NDUFS3: variants seen among roughly 807,000 people sequenced by gnomAD.
NDUFS3 encodes the protein NADH:ubiquinone oxidoreductase core subunit S3.
A neutral mutation model predicts 30.8 loss-of-function variants in NDUFS3; 19 were observed. The observed-to-expected ratio is 0.62, with a 90% CI of 0.43 to 0.91. The LOEUF is 0.91. Ranked by LOEUF, NDUFS3 falls within the 40% of genes least tolerant of loss-of-function variation. The pLI is 0.00. For missense variants in NDUFS3, 331 were observed against 342.0 expected (o/e 0.97, Z 0.25); for synonymous variants, 153 against 135.8 (o/e 1.13, Z -0.88).
At position 47,584,350 on chromosome 11, in the gene NDUFS3, G is replaced by C; in HGVS notation, c.664G>C (p.Glu222Gln). 6.2e-7 allele frequency: 1 copy of C among 1,614,174 alleles called. No homozygotes were observed. The highest frequency in any genetic ancestry group is 1.7e-5 in the Admixed American group (1 of 60,006). Residue 222 changes from glutamate (E) to glutamine (Q), a missense_variant, in exon 7 of 7, where the codon GAG (glutamate) becomes CAG (glutamine). Glu to Gln is a conservative substitution (Grantham distance 29). Transcript: ENST00000263774. ...YDDEVKRVVA[E>Q]PVELAQEFRK... The stretch of plus-strand genomic sequence containing the variant: ...TGATGAAGTGAAGCGGGTGGTGGCA[G>C]AGCCGGTGGAGTTGGCCCAAGAGTT...
chr11:47,581,966 A>T, intron 4 of NDUFS3, 122 bp from the exon 5 acceptor site: 1 of 1,324,606 alleles, frequency 7.5e-7, no homozygotes, highest in East Asian at 2.3e-5. Context: ...CTTTGGAAGT[A>T]GTTGTAAGCA....
Position 47,580,613 on chromosome 11 carries a change from A to G in NDUFS3, c.222A>G (p.Gln74=), listed in dbSNP as rs768213905. The stretch of plus-strand genomic sequence containing the variant: ...CTGAAATCTTGCCCAAGTATGTCCA[A>G]CAAGTTCAGGTAATACTTACTAATG... The part of the protein sequence containing the change: ...YVAEILPKYV[Q]QVQVSCFNEL... The change falls in exon 3 of 7, where the codon CAA becomes CAG. Residue 74 remains glutamine, a synonymous_variant. Coordinates refer to ENST00000263774, the MANE Select transcript of NDUFS3 (RefSeq NM_004551.3). The G allele has an allele frequency of 6.2e-7, 1 of 1,614,040 alleles. No homozygotes were observed. Among genetic ancestry groups the G allele is most frequent in the Non-Finnish European group, 8.5e-7 (1 of 1,179,970 alleles).
chr11:47,582,604 C>T, intron 6 of NDUFS3, 136 bp downstream of exon 6: 1 of 1,421,214 alleles, frequency 7.0e-7, no homozygotes, highest in Non-Finnish European at 9.7e-7. Flanking sequence ...CAGATCCTAG[C>T]TTCATTTTTG....
chr11:47,580,582 A>T lies in NDUFS3; in HGVS notation c.191A>T (p.Tyr64Phe). 6.2e-7 allele frequency: 1 copy of T among 1,614,196 alleles called. No homozygotes were observed. Among genetic ancestry groups the T allele is most frequent in the Non-Finnish European group, 8.5e-7 (1 of 1,180,044 alleles). ...AHKQLSAFGE[Y>F]VAEILPKYVQ... The stretch of plus-strand genomic sequence containing the variant: ...AAGCAGCTCTCAGCTTTTGGAGAGT[A>T]TGTGGCTGAAATCTTGCCCAAGTAT... Residue 64 changes from tyrosine to phenylalanine, a missense_variant, in exon 3 of 7, where the codon TAT (tyrosine) becomes TTT (phenylalanine). Coordinates refer to ENST00000263774, the MANE Select transcript of NDUFS3 (RefSeq NM_004551.3).
Position 47,579,158 on chromosome 11 carries a change from G to A in NDUFS3, c.67G>A (p.Gly23Arg), listed in dbSNP as rs2097266334. ...GILGASALTRGTGRPSVLLLP... is the reference protein window; with the variant it reads ...GILGASALTRRTGRPSVLLLP... ...CTTGGGGGCCTCGGCGCTGACCAGG[G>A]GTGAGCACGGGCAGCCAGCTGAGAC... The change falls in exon 1 of 7, where the codon GGG (glycine) becomes AGG (arginine). Residue 23 changes from glycine to arginine, a missense_variant and splice_region_variant. Physicochemically the swap from Gly to Arg is moderately radical, Grantham distance 125. Coordinates refer to ENST00000263774, the MANE Select transcript of NDUFS3 (RefSeq NM_004551.3). 6.2e-7 allele frequency: 1 copy of A among 1,610,140 alleles called. No individual in the cohort carries two copies. The highest frequency in any genetic ancestry group is 1.3e-5 in the African/African-American group (1 of 74,900).
chr11:47,582,552 G>T (rs138018020), intron 6 of NDUFS3, 84 bp downstream of exon 6: 4 of 1,600,878 alleles, frequency 2.5e-6, no homozygotes, highest in Admixed American at 1.7e-5. Context: ...CAAGAAATAC[G>T]GTCTGTGGAT....
chr11:47,579,600 G>A, intron 2 of NDUFS3: 1 of 591,570 alleles, frequency 1.7e-6, no homozygotes, highest in Middle Eastern at 4.3e-4. Flanking sequence ...TAACCTTTAG[G>A]CCTCAGAGCC....
intron 4 of NDUFS3, chr11:47,581,241 T>C (rs2097268670): frequency 2.2e-6 from 1 of 451,866 alleles, no homozygotes; most frequent in Non-Finnish European, 4.1e-6. Context: ...GCAACCTCCG[T>C]CTCCCAGGTT....
chr11:47,582,609 T>C (rs2097269287), intron 6 of NDUFS3, 141 bp downstream of exon 6: 2 of 1,377,686 alleles, frequency 1.5e-6, no homozygotes, highest in Non-Finnish European at 2.0e-6. Flanking sequence ...CCTAGCTTCA[T>C]TTTTGTAACC....
Position 47,579,137 on chromosome 11 carries a change from G to A in NDUFS3, c.46G>A (p.Gly16Arg). Residue 16 changes from glycine (G) to arginine (R), a missense_variant, in exon 1 of 7, where the codon GGG becomes AGG. Gly to Arg is a moderately radical substitution (Grantham distance 125, BLOSUM62 -2). Coordinates refer to ENST00000263774, the MANE Select transcript of NDUFS3 (RefSeq NM_004551.3). Reference sequence around the variant, plus strand: ...CAGGCTGTGGTGGCGCGGGATCTTGGGGGCCTCGGCGCTGACCAGGGGTGA... The same window carrying A: ...CAGGCTGTGGTGGCGCGGGATCTTGAGGGCCTCGGCGCTGACCAGGGGTGA... Reference protein sequence around the residue: ...VARLWWRGILGASALTRGTGR... With the variant: ...VARLWWRGILRASALTRGTGR... The A allele has an allele frequency of 6.2e-7, 1 of 1,600,362 alleles. No homozygotes were observed. The highest frequency in any genetic ancestry group is 8.5e-7 in the Non-Finnish European group (1 of 1,174,786).
chr11:47,580,823 T>G lies in NDUFS3; in HGVS notation c.232-12T>G. The stretch of plus-strand genomic sequence containing the variant: ...CTCTTTGTTCCCTCTCCCCTCACTT[T>G]CATGTGTGCAGGTGTCCTGCTTCAA... On this transcript the variant is annotated splice_polypyrimidine_tract_variant and intron_variant, in intron 3 of 6. Transcript: ENST00000263774. The G allele has an allele frequency of 6.2e-7, 1 of 1,614,208 alleles. No homozygotes were observed. Among genetic ancestry groups the G allele is most frequent in the Non-Finnish European group, 8.5e-7 (1 of 1,180,046 alleles).
rs150670630 is a variant in NDUFS3, at chr11:47,580,967, C to T, written c.364C>T (p.Arg122Trp). The change falls in exon 4 of 7, where the codon CGG (arginine) becomes TGG (tryptophan). Residue 122 changes from arginine to tryptophan, a missense_variant. Arg to Trp is a moderately radical substitution (Grantham distance 101, BLOSUM62 -3). Coordinates refer to ENST00000263774, the MANE Select transcript of NDUFS3 (RefSeq NM_004551.3). Reference sequence around the variant, plus strand: ...CTTGACAGCAGTGGACGTCCCAACTCGGCAAAACCGTTTTGAGGTCAGTTG... The same window carrying T: ...CTTGACAGCAGTGGACGTCCCAACTTGGCAAAACCGTTTTGAGGTCAGTTG... ...VDLTAVDVPT[R>W]QNRFEIVYNL... 9 of 1,614,052 alleles carry T rather than the reference C, an allele frequency of 5.6e-6. No homozygotes were observed. In the African/African-American group the frequency reaches 8.0e-5, roughly 14 times the overall value.
chr11:47,584,200 A>G, intron 6 of NDUFS3, 114 bp from the exon 7 acceptor site: 1 of 1,374,372 alleles, frequency 7.3e-7, no homozygotes, highest in South Asian at 1.2e-5. Flanking sequence ...GACAGGAGTC[A>G]GTAACCGAGA....
intron 6 of NDUFS3, among the ~76,000 whole-genome samples, chr11:47,582,806 G>A (rs2097269384): frequency 6.6e-6 from 1 of 152,144 alleles, no homozygotes; most frequent in African/African-American, 2.4e-5. Context: ...GAACAGCCTA[G>A]GCAACATGGT....
intron 3 of NDUFS3, 73 bp from the exon 4 acceptor site, chr11:47,580,762 G>A (rs774325015): frequency 6.2e-7 from 1 of 1,607,492 alleles, no homozygotes; most frequent in Admixed American, 1.7e-5. Flanking sequence ...CATTAAACCA[G>A]GTGACTCCAG....
At chr11:47,582,533 T>C (rs2097269256) in intron 6 of NDUFS3, 65 bp downstream of exon 6, 2 of 1,609,634 alleles carry the variant, frequency 1.2e-6, no homozygotes, top group Non-Finnish European at 1.7e-6. Context: ...AGGGGATCCC[T>C]GGGAATGGCA....
rs773767702 is a variant in NDUFS3 at position 47,580,660 on chromosome 11, AAG to A, written c.231+40_231+41del. On this transcript the variant is annotated intron_variant, in intron 3 of 6. Coordinates refer to ENST00000263774, the MANE Select transcript of NDUFS3 (RefSeq NM_004551.3). ...AATGTTATTTGGGTCTGGGTCAAGAAAGAACCATGTTCGCAGGGCATGTGGGA... is the reference window on the plus strand; with the variant it reads ...AATGTTATTTGGGTCTGGGTCAAGAAAACCATGTTCGCAGGGCATGTGGGA... The A allele has an allele frequency of 3.7e-6, 6 of 1,606,456 alleles. No homozygotes were observed. In the African/African-American group the frequency reaches 8.0e-5, roughly 21 times the overall value.
chr11:47,579,226 A>G (rs2097266461), intron 1 of NDUFS3, 43 bp from the exon 2 acceptor site: 1 of 1,613,902 alleles, frequency 6.2e-7, no homozygotes, highest in Non-Finnish European at 8.5e-7. Flanking sequence ...AGAGCTCCTC[A>G]GGGCTCATCC....
At chr11:47,583,578 A>G (rs1291600765) in intron 6 of NDUFS3, among the ~76,000 whole-genome samples, 1 of 152,206 alleles carries the variant, frequency 6.6e-6, no homozygotes, top group East Asian at 1.9e-4. Flanking sequence ...TTGCAGGAAG[A>G]TAGTGTGTAA....
Sources: gnomAD v4.1 joint callset for allele counts (sites outside exome capture counted in the v4.1 genomes callset) on GRCh38, gnomAD v4.1.1 for gene constraint, MANE v1.5 for transcripts, NCBI Gene and HGNC (gene_info 2026-07-23, HGNC 2026-07-21) for gene names.